The following CAMSAP2 variants were observed in gnomAD, a reference collection of about 807,000 sequenced individuals.
CAMSAP2 encodes the protein calmodulin regulated spectrin associated protein family member 2, also known as calmodulin-regulated spectrin-associated protein 2.
Under a neutral mutation model 146.1 loss-of-function variants are expected in CAMSAP2, and 26 were observed. The ratio of observed to expected loss-of-function variants is 0.18; its 90% CI spans 0.13 to 0.25. The LOEUF is 0.25. Ranked by LOEUF, CAMSAP2 falls within the 10% of genes least tolerant of loss-of-function variation. The probability of loss-of-function intolerance (pLI) is 1.00; values close to 1 mark genes in which losing one functional copy is unlikely to be tolerated. For synonymous variants in CAMSAP2, 499 were observed against 596.6 expected (o/e 0.84, Z 2.38); for missense variants, 1,381 against 1,759.3 (o/e 0.78, Z 3.85).
At chr1:200,766,129 C>T (rs1478362208) in intron 2 of CAMSAP2, among the ~76,000 whole-genome samples, 1 of 151,122 alleles carries the variant, frequency 6.6e-6, no homozygotes, top group African/African-American at 2.4e-5. Flanking sequence ...ATTTATGAGA[C>T]TATCAAGTAG....
intron 2 of CAMSAP2, among the ~76,000 whole-genome samples, chr1:200,799,664 C>G (rs184044111): frequency 6.6e-6 from 1 of 152,238 alleles, no homozygotes; most frequent in East Asian, 1.9e-4. Context: ...TTTCATGTCT[C>G]TTTCTCCTTC....
At chr1:200,771,692 G>A (rs1312156193) in intron 2 of CAMSAP2, among the ~76,000 whole-genome samples, 9 of 152,136 alleles carry the variant, frequency 5.9e-5, no homozygotes, top group Admixed American at 5.9e-4. Flanking sequence ...TGTAAGATGG[G>A]CTGACTAGAT....
At chr1:200,798,929 G>A (rs1665960961) in intron 2 of CAMSAP2, among the ~76,000 whole-genome samples, 1 of 151,768 alleles carries the variant, frequency 6.6e-6, no homozygotes, top group Non-Finnish European at 1.5e-5. Context: ...AGATAATCAT[G>A]TGGTTTTTGT....
chr1:200,743,066 G>A (rs1664223447), intron 1 of CAMSAP2, among the ~76,000 whole-genome samples: 1 of 152,256 alleles, frequency 6.6e-6, no homozygotes, highest in South Asian at 2.1e-4. Context: ...ACACTAAATC[G>A]ATAATCCAAA....
chr1:200,832,994 G>A lies in CAMSAP2; in HGVS notation c.927+149G>A. 1.7e-6 allele frequency: 1 copy of A among 590,908 alleles called. No individual in the cohort carries two copies. Among genetic ancestry groups the A allele is most frequent in the Non-Finnish European group, 2.6e-6 (1 of 379,906 alleles). 36.6% of individuals were successfully genotyped at this position (590,908 alleles called of 1,614,324 possible). A position where few individuals can be genotyped will look rare whatever the true frequency, so the allele number is the denominator to read the frequency against. On this transcript the variant is annotated intron_variant, in intron 6 of 16. Coordinates refer to ENST00000358823, the MANE Select transcript of CAMSAP2 (RefSeq NM_203459.4). The surrounding 1 kb of genome is among the most constrained non-coding windows in gnomAD (Gnocchi z 4.2). ...GAGGATTGCTTAAGCCTGGGAGGTTGAGGCTTCAGTGAGCGATGATCGTGC... is the reference window on the plus strand; with the variant it reads ...GAGGATTGCTTAAGCCTGGGAGGTTAAGGCTTCAGTGAGCGATGATCGTGC...
rs1273588067 is a variant in CAMSAP2, at chr1:200,853,010, C to T, written c.3603-265C>T. On this transcript the variant is annotated intron_variant, in intron 12 of 16. Coordinates refer to ENST00000358823, the MANE Select transcript of CAMSAP2 (RefSeq NM_203459.4). This position sits in a 1 kb window ranked among gnomAD's most constrained non-coding sequence, Gnocchi z 5.1. ...AACTTTCCTGGGAGATACACACACA[C>T]ACACACACACACACACACACGACCT... is the stretch of plus-strand genomic sequence containing the variant. 5.3e-5 allele frequency among the ~76,000 whole-genome samples: 6 copies of T among 113,212 alleles called. No individual in the cohort carries two copies. The South Asian group carries it at 1.5e-3, about 29-fold the overall frequency. The allele number at this position is 113,212 out of a possible 152,430, so 74.3% of individuals were successfully genotyped here.
chr1:200,777,530 A>G (rs1665313926), intron 2 of CAMSAP2, among the ~76,000 whole-genome samples: 1 of 152,170 alleles, frequency 6.6e-6, no homozygotes. Context: ...AAAAGTGCTC[A>G]ACAACACTTT....
chr1:200,775,764 C>T (rs1252164256), intron 2 of CAMSAP2, among the ~76,000 whole-genome samples: 1 of 152,150 alleles, frequency 6.6e-6, no homozygotes, highest in Non-Finnish European at 1.5e-5. Flanking sequence ...CTCCTGACCT[C>T]AGGTGATCCA....
At chr1:200,842,118 T>C in intron 7 of CAMSAP2, 31 bp downstream of exon 7, 1 of 1,506,698 alleles carries the variant, frequency 6.6e-7, no homozygotes, top group African/African-American at 1.4e-5. Context: ...TAAATGTTCC[T>C]ATGAACAGAA....
intron 2 of CAMSAP2, among the ~76,000 whole-genome samples, chr1:200,785,913 C>A (rs1474408937): frequency 1.3e-5 from 2 of 152,210 alleles, no homozygotes; most frequent in Admixed American, 1.3e-4. Flanking sequence ...TGGTCTCAAA[C>A]TCCTGATCTC....
chr1:200,761,313 T>C (rs1664794546), intron 2 of CAMSAP2, among the ~76,000 whole-genome samples: 2 of 152,264 alleles, frequency 1.3e-5, no homozygotes, highest in Admixed American at 6.5e-5. Context: ...GAGAAACAAC[T>C]ACATAATTTC....
intron 2 of CAMSAP2, among the ~76,000 whole-genome samples, chr1:200,764,526 A>C (rs916917835): frequency 2.0e-5 from 3 of 152,216 alleles, no homozygotes; most frequent in African/African-American, 7.2e-5. Flanking sequence ...ACATTTTTAT[A>C]TGATTTTACT....
intron 7 of CAMSAP2, 80 bp from the exon 8 acceptor site, chr1:200,844,702 G>T: frequency 1.4e-6 from 1 of 702,034 alleles, no homozygotes; most frequent in Non-Finnish European, 2.4e-6. Flanking sequence ...GTTAAATTTT[G>T]TTATAAATTT....
chr1:200,853,774 C>A lies in CAMSAP2; in HGVS notation c.3823+279C>A, dbSNP rs1441611319. On this transcript the variant is annotated intron_variant, in intron 13 of 16. Coordinates refer to ENST00000358823, the MANE Select transcript of CAMSAP2 (RefSeq NM_203459.4). This position sits in a 1 kb window ranked among gnomAD's most constrained non-coding sequence, Gnocchi z 5.1. ...TGCCCTCAGATATAATCTCCTTGAA[C>A]TATTAACTGCCCTTTACATACTTAT... 1.3e-5 allele frequency among the ~76,000 whole-genome samples: 2 copies of A among 152,088 alleles called. No homozygotes were observed. Among genetic ancestry groups the A allele is most frequent in the Admixed American group, 1.3e-4 (2 of 15,270 alleles).
At chr1:200,811,334 G>A (rs920880752) in intron 3 of CAMSAP2, among the ~76,000 whole-genome samples, 4 of 152,076 alleles carry the variant, frequency 2.6e-5, no homozygotes, top group African/African-American at 9.7e-5. Flanking sequence ...CAAGAGTTGA[G>A]GGAAGTTTAT....
At chr1:200,855,629 C>A (rs1013115402) in intron 14 of CAMSAP2, among the ~76,000 whole-genome samples, 1 of 150,922 alleles carries the variant, frequency 6.6e-6, no homozygotes, top group Non-Finnish European at 1.5e-5. Flanking sequence ...CGGAGTCTTT[C>A]TCCATTGCCC....
chr1:200,833,166 G>A (rs906623926), intron 6 of CAMSAP2, among the ~76,000 whole-genome samples: 1 of 152,166 alleles, frequency 6.6e-6, no homozygotes, highest in Non-Finnish European at 1.5e-5. Context: ...TTAGTCAAAA[G>A]AACTTTTGAA....
At chr1:200,845,962 G>T (rs1195545351) in intron 8 of CAMSAP2, among the ~76,000 whole-genome samples, 1 of 152,138 alleles carries the variant, frequency 6.6e-6, no homozygotes, top group Non-Finnish European at 1.5e-5. Flanking sequence ...ATGTATTTCA[G>T]CAGCTCCTAT....
At chr1:200,761,219 A>G in intron 2 of CAMSAP2, 121 bp downstream of exon 2, 2 of 939,346 alleles carry the variant, frequency 2.1e-6, no homozygotes, top group Middle Eastern at 2.6e-4. Flanking sequence ...CCTAGAGTTT[A>G]CAACTCATCT....
Sources: gnomAD v4.1 joint callset for allele counts (sites outside exome capture counted in the v4.1 genomes callset) on GRCh38, gnomAD v4.1.1 for gene constraint, Gnocchi (gnomAD v3.1) non-coding constraint, MANE v1.5 for transcripts, NCBI Gene and HGNC (gene_info 2026-07-23, HGNC 2026-07-21) for gene names.